The following SEPHS1 variants were observed in gnomAD, a reference collection of about 807,000 sequenced individuals.
The protein encoded by SEPHS1 is selenophosphate synthetase 1.
In SEPHS1, 7 loss-of-function variants were observed where a neutral mutation model predicts 39.2. That is an observed-to-expected ratio of 0.18 (90% confidence interval 0.10 to 0.34). The LOEUF is 0.34. SEPHS1 is among the 10% of genes least tolerant of loss of function. SEPHS1 has a pLI of 1.00. For synonymous variants in SEPHS1, 190 were observed against 195.5 expected (o/e 0.97, Z 0.23); for missense variants, 253 against 514.5 (o/e 0.49, Z 4.92).
At position 13,342,430 on chromosome 10, in the gene SEPHS1, A is replaced by G. The variant is rs990402535; in HGVS notation, c.193+2328T>C. 4.0e-5 allele frequency among the ~76,000 whole-genome samples: 6 copies of G among 151,510 alleles called. No homozygotes were observed. In the East Asian group the frequency reaches 1.2e-3, roughly 30 times the overall value. On this transcript the variant is annotated intron_variant, in intron 2 of 8. Coordinates refer to ENST00000327347, the MANE Select transcript of SEPHS1 (RefSeq NM_012247.5). Reference sequence around the variant, plus strand: ...ACCCCGTCTCTACTAAAAACACAAAAAAATTTAGCTGGGTGTGGTGGCATG... The same window carrying G: ...ACCCCGTCTCTACTAAAAACACAAAGAAATTTAGCTGGGTGTGGTGGCATG...
intron 5 of SEPHS1, among the ~76,000 whole-genome samples, chr10:13,331,864 G>C (rs970955010): frequency 1.3e-5 from 2 of 152,228 alleles, no homozygotes; most frequent in Non-Finnish European, 2.9e-5. Context: ...CACCCAGTAG[G>C]CTGGCTAGAA....
rs1241082437 is a variant in SEPHS1, at chr10:13,338,746, T to C, written c.256A>G (p.Thr86Ala). ...TCTACGATCGGGTAAATGTAATCTG[T>C]GGTTTGAACCAAGGAAAGCCCACCG... Reference protein sequence around the residue: ...RHGGLSLVQTTDYIYPIVDDP... With the variant: ...RHGGLSLVQTADYIYPIVDDP... The change falls in exon 3 of 9, where the codon ACA becomes GCA. Residue 86 changes from threonine (T) to alanine (A), a missense_variant. Thr to Ala is a moderately conservative substitution (Grantham distance 58). This residue lies in a region of SEPHS1 where 123 missense variants were observed against 196.8 expected (regional missense o/e 0.62). Coordinates refer to ENST00000327347, the MANE Select transcript of SEPHS1 (RefSeq NM_012247.5). 3.7e-6 allele frequency: 6 copies of C among 1,614,174 alleles called. No homozygotes were observed. Among genetic ancestry groups the C allele is most frequent in the Non-Finnish European group, 5.1e-6 (6 of 1,180,010 alleles).
rs1259633467 is a variant in SEPHS1 at position 13,322,960 on chromosome 10, T to C, written c.839A>G (p.Lys280Arg). The C allele has an allele frequency of 3.1e-6, 5 of 1,614,100 alleles. No individual in the cohort carries two copies. Among genetic ancestry groups the C allele is most frequent in the Middle Eastern group, 1.7e-4 (1 of 6,060 alleles). The change falls in exon 8 of 9, where the codon AAG becomes AGG. Residue 280 changes from lysine (K) to arginine (R), a missense_variant. By Grantham distance (26) the Lys-to-Arg change is conservative (BLOSUM62 2). This residue lies in a region of SEPHS1 where 107 missense variants were observed against 257.1 expected (regional missense o/e 0.42). Coordinates refer to ENST00000327347, the MANE Select transcript of SEPHS1 (RefSeq NM_012247.5). ...GILGHAQNLA[K>R]QQRNEVSFVI... The stretch of plus-strand genomic sequence containing the variant: ...AAACGACACCTCGTTCCTCTGCTGC[T>C]TGGCCAGGTTCTGCGCATGGCCCAA...
At chr10:13,344,572 A>G (rs1244641157) in intron 2 of SEPHS1, among the ~76,000 whole-genome samples, 186 bp downstream of exon 2, 1 of 152,208 alleles carries the variant, frequency 6.6e-6, no homozygotes, top group African/African-American at 2.4e-5. Context: ...TGATGGCTAC[A>G]CTAAAAGCCT....
chr10:13,341,100 G>A (rs897275194), intron 2 of SEPHS1, among the ~76,000 whole-genome samples: 4 of 151,992 alleles, frequency 2.6e-5, no homozygotes, highest in Admixed American at 6.6e-5. Flanking sequence ...TGAAAATTAC[G>A]CATGTGGCTT....
In SEPHS1 at chr10:13,325,759, T is replaced by G. The variant is rs12247089; in HGVS notation, c.751+2592A>C. ...TAAAAATACCAAAATTAGTGGGGTG[T>G]GGTGGCGTGCGCCCTGTAATCCCAG... is the stretch of plus-strand genomic sequence containing the variant. On this transcript the variant is annotated intron_variant, in intron 7 of 8. Transcript: ENST00000327347. Among the ~76,000 whole-genome samples the G allele has an allele frequency of 2.1e-3, 322 of 151,488 alleles. 1 individual carries two copies. Among genetic ancestry groups the G allele is most frequent in the African/African-American group, 7.5e-3 (312 of 41,352 alleles).
At chr10:13,320,957 C>T (rs755076870) in intron 8 of SEPHS1, among the ~76,000 whole-genome samples, 1 of 152,198 alleles carries the variant, frequency 6.6e-6, no homozygotes, top group Non-Finnish European at 1.5e-5. Flanking sequence ...GAGCCTGAAC[C>T]AGCAGGGGAA....
chr10:13,339,495 A>G (rs1833728809), intron 2 of SEPHS1, among the ~76,000 whole-genome samples: 1 of 152,102 alleles, frequency 6.6e-6, no homozygotes, highest in Non-Finnish European at 1.5e-5. Flanking sequence ...TTTAAAAATT[A>G]CTTGTAATGC....
chr10:13,340,653 G>A (rs1253485871), intron 2 of SEPHS1: 1 of 152,234 alleles, frequency 6.6e-6, no homozygotes, highest in Non-Finnish European at 1.5e-5. Flanking sequence ...AGCTTTAAAT[G>A]TTCTTAATTT....
chr10:13,326,868 A>AT (rs1833312935), intron 7 of SEPHS1, among the ~76,000 whole-genome samples: 1 of 152,150 alleles, frequency 6.6e-6, no homozygotes, highest in South Asian at 2.1e-4. Context: ...ATTACAGAAA[A>AT]TTTTTATTTC....
intron 8 of SEPHS1, chr10:13,321,993 C>CT (rs1348754462): frequency 3.1e-5 from 14 of 449,060 alleles, no homozygotes; most frequent in Middle Eastern, 3.3e-4. Flanking sequence ...TGTCTGATGG[C>CT]TCTCTCTACC....
rs754718590 is a variant in SEPHS1 at position 13,317,646 on chromosome 10, G to C, written c.*1496C>G. ...GGTTCCTGGAGGAGGGCGCGTCCGA[G>C]TTAAAGCCTCTTCCAGGAGCTTGAA... On this transcript the variant is annotated 3_prime_UTR_variant, in exon 9 of 9. Transcript: ENST00000327347. The C allele has an allele frequency of 6.6e-6, 1 of 152,238 alleles. No individual in the cohort carries two copies. The highest frequency in any genetic ancestry group is 6.5e-5 in the Admixed American group (1 of 15,272). The allele number at this position is 152,238 out of a possible 1,614,324, so 9.4% of individuals were successfully genotyped here. A position where few individuals can be genotyped will look rare whatever the true frequency, so the allele number is the denominator to read the frequency against.
At chr10:13,331,133 C>T (rs1345273447) in intron 5 of SEPHS1, among the ~76,000 whole-genome samples, 1 of 152,196 alleles carries the variant, frequency 6.6e-6, no homozygotes, top group Non-Finnish European at 1.5e-5. Context: ...TGGTTTCCAG[C>T]TTCATCCATC....
chr10:13,322,231 TC>T (rs1324423615), intron 8 of SEPHS1, among the ~76,000 whole-genome samples: 1 of 151,134 alleles, frequency 6.6e-6, no homozygotes, highest in Non-Finnish European at 1.5e-5. Flanking sequence ...AACCTCTGTC[TC>T]CCAGGTTCAA....
intron 3 of SEPHS1, among the ~76,000 whole-genome samples, chr10:13,338,346 GGT>G (rs1229223454): frequency 1.3e-5 from 2 of 152,104 alleles, no homozygotes; most frequent in Non-Finnish European, 2.9e-5. Context: ...AAAACACAGG[GGT>G]GATGGAGGTT....
chr10:13,332,132 T>A (rs1833490987), intron 5 of SEPHS1, among the ~76,000 whole-genome samples: 1 of 152,196 alleles, frequency 6.6e-6, no homozygotes, highest in Non-Finnish European at 1.5e-5. Flanking sequence ...CAAAGGTCCG[T>A]CACCTGAGGA....
At position 13,338,691 on chromosome 10, in the gene SEPHS1, C is replaced by G. The variant is rs111599483; in HGVS notation, c.297+14G>C. On this transcript the variant is annotated intron_variant, in intron 3 of 8. Transcript: ENST00000327347. Reference sequence around the variant, plus strand: ...AGCCCTTCCAGTCACAAAAACACATCGGCTCACGCTTACCATCATGTAAGG... The same window carrying G: ...AGCCCTTCCAGTCACAAAAACACATGGGCTCACGCTTACCATCATGTAAGG... 1.2e-6 allele frequency: 2 copies of G among 1,600,012 alleles called. No individual in the cohort carries two copies. The highest frequency in any genetic ancestry group is 1.7e-6 in the Non-Finnish European group (2 of 1,167,262).
At chr10:13,328,219 C>T in intron 7 of SEPHS1, 132 bp downstream of exon 7, 2 of 614,504 alleles carry the variant, frequency 3.3e-6, no homozygotes, top group Non-Finnish European at 5.8e-6. Context: ...AACCTGGTAC[C>T]AGGAGAAGAC....
At chr10:13,325,957 A>AT (rs1564444719) in intron 7 of SEPHS1, among the ~76,000 whole-genome samples, 24 of 110,620 alleles carry the variant, frequency 2.2e-4, no homozygotes, top group Non-Finnish European at 3.1e-4. Flanking sequence ...AAAAAAAAAA[A>AT]AAAAAAATAA....
Sources: gnomAD v4.1 joint callset for allele counts (sites outside exome capture counted in the v4.1 genomes callset) on GRCh38, gnomAD v4.1.1 for gene constraint, gnomAD v4.1.1 regional missense constraint, MANE v1.5 for transcripts, NCBI Gene and HGNC (gene_info 2026-07-23, HGNC 2026-07-21) for gene names.